APTX: variants seen among roughly 807,000 people sequenced by gnomAD.
APTX encodes the protein aprataxin.
A neutral mutation model predicts 42.3 loss-of-function variants in APTX; 33 were observed. The observed-to-expected ratio is 0.78, with a 90% CI of 0.59 to 1.04. APTX has a LOEUF of 1.04. Ranked by LOEUF, APTX falls within the 50% of genes least tolerant of loss-of-function variation. APTX has a pLI of 0.00. For synonymous variants in APTX, 130 were observed against 146.7 expected, an observed-to-expected ratio of 0.89 and a Z score of 0.82; for missense variants, 421 against 415.1, an observed-to-expected ratio of 1.01 and a Z score of -0.12.
chr9:33,023,094 G>A lies in APTX; in HGVS notation c.-5+1929C>T, dbSNP rs1369207177. Among the ~76,000 whole-genome samples, 4 of 152,282 alleles carry A rather than the reference G, an allele frequency of 2.6e-5. No homozygotes were observed. In the South Asian group the frequency reaches 8.3e-4, roughly 32 times the overall value. ...TCCGCCTGCCTTGGCCTCCCAAAGT[G>A]CTGGGATTACAGGCTTGAGCCACCA... On this transcript the variant is annotated intron_variant, in intron 1 of 6. Coordinates refer to the APTX transcript ENST00000436040.
chr9:33,000,625 C>CAAAAAAAAAAAAAAAAAAAAAA (rs60760701), intron 1 of APTX, among the ~76,000 whole-genome samples: 6 of 63,432 alleles, frequency 9.5e-5, no homozygotes, highest in African/African-American at 1.2e-4. Context: ...GACTCTGTCT[C>CAAAAAAAAAAAAAAAAAAAAAA]AAAAAAAAAA....
chr9:32,972,671 T>C lies in APTX; in HGVS notation c.*827A>G, dbSNP rs981116705. ...AGAAAGTAGTGGCTCTACGCAACTT[T>C]TTCATTCACCAACCACCTTTCCATG... On this transcript the variant is annotated 3_prime_UTR_variant, in exon 8 of 8. Coordinates refer to ENST00000379817, the MANE Select transcript of APTX (RefSeq NM_001195248.2). 2 of 436,698 alleles carry C rather than the reference T, an allele frequency of 4.6e-6. No homozygotes were observed. The highest frequency in any genetic ancestry group is 9.2e-6 in the Non-Finnish European group (2 of 217,948). The allele number at this position is 436,698 out of a possible 1,614,324, so 27.1% of individuals were successfully genotyped here.
At chr9:32,974,608 T>C (rs1297837986) in intron 6 of APTX, 47 bp from the exon 7 acceptor site, 7 of 1,039,596 alleles carry the variant, frequency 6.7e-6, no homozygotes, top group South Asian at 2.5e-5. Context: ...TTAACAACTA[T>C]GGCTTAATCA....
chr9:33,001,487 G>C lies in APTX; in HGVS notation c.-5+80C>G, dbSNP rs539718096. ...CGTCATTCAAGGCACATCACTCAAG[G>C]GTAGGAGCAGCCTCGGCCGAACGCT... On this transcript the variant is annotated intron_variant, in intron 1 of 7. Transcript: ENST00000379817. 4 of 1,606,104 alleles carry C rather than the reference G, an allele frequency of 2.5e-6. No homozygotes were observed. The East Asian group carries it at 9.0e-5, about 36-fold the overall frequency.
chr9:32,987,723 C>T lies in APTX; in HGVS notation c.304G>A (p.Glu102Lys), dbSNP rs776680952. ...TCCAGGCCAGGGTTCTTTGCCTCTT[C>T]CTCAAACTCTACAATATATGGATAA... is the stretch of plus-strand genomic sequence containing the variant. The part of the protein sequence containing the change: ...ELYPYIVEFE[E>K]EAKNPGLETH... Residue 102 changes from glutamate (E) to lysine (K), a missense_variant, in exon 4 of 8, where the codon GAA (glutamate) becomes AAA (lysine). Coordinates refer to ENST00000379817, the MANE Select transcript of APTX (RefSeq NM_001195248.2). 9.3e-6 allele frequency: 15 copies of T among 1,614,042 alleles called. No homozygotes were observed. The African/African-American group carries it at 1.9e-4, about 20-fold the overall frequency.
chr9:32,982,005 A>C (rs541755743), intron 6 of APTX, among the ~76,000 whole-genome samples: 7 of 152,196 alleles, frequency 4.6e-5, no homozygotes, highest in Non-Finnish European at 5.9e-5. Context: ...AAAAAAAAAA[A>C]AACAGTAATT....
At chr9:33,024,870 G>A (rs1025935064) in intron 1 of APTX, 1 of 105,488 alleles carries the variant, frequency 9.5e-6, no homozygotes, top group African/African-American at 3.4e-5. Flanking sequence ...GAGGGGGGGG[G>A]GGGGGGGCAA....
chr9:33,004,884 C>A (rs1837025399), upstream of APTX, among the ~76,000 whole-genome samples: 1 of 151,982 alleles, frequency 6.6e-6, no homozygotes, highest in South Asian at 2.1e-4. Flanking sequence ...TTGTGATCCA[C>A]CCACCTCGGC....
At chr9:33,010,915 G>A (rs1029457378) in intron 1 of APTX, among the ~76,000 whole-genome samples, 1 of 152,062 alleles carries the variant, frequency 6.6e-6, no homozygotes, top group Non-Finnish European at 1.5e-5. Context: ...GCCAAGGCAG[G>A]TGGATTGCCT....
chr9:32,987,998 C>G (rs1832601861), intron 3 of APTX, 85 bp downstream of exon 3: 11 of 1,522,582 alleles, frequency 7.2e-6, no homozygotes, highest in South Asian at 3.4e-5. Flanking sequence ...GACAGAGAAG[C>G]CTTCACTGGC....
intron 1 of APTX, among the ~76,000 whole-genome samples, chr9:33,011,413 G>C (rs181837541): frequency 1.3e-5 from 2 of 151,136 alleles, no homozygotes; most frequent in African/African-American, 4.9e-5. Flanking sequence ...TCAGCCTCCC[G>C]AGTAGCTGGG....
chr9:33,023,731 T>C (rs1838598373), intron 1 of APTX, among the ~76,000 whole-genome samples: 1 of 152,250 alleles, frequency 6.6e-6, no homozygotes, highest in Admixed American at 6.5e-5. Context: ...CGGATAGTTC[T>C]GTGACTGGAA....
chr9:33,016,063 T>G (rs1837880648), intron 1 of APTX: 1 of 152,220 alleles, frequency 6.6e-6, no homozygotes, highest in African/African-American at 2.4e-5. Flanking sequence ...TGCCAAATGG[T>G]ATCTAGGAGT....
At chr9:32,987,213 G>A (rs1405788416) in intron 4 of APTX, among the ~76,000 whole-genome samples, 2 of 152,128 alleles carry the variant, frequency 1.3e-5, no homozygotes, top group Non-Finnish European at 2.9e-5. Context: ...GCTACAGCCT[G>A]ACCAATTCTC....
Position 32,987,657 on chromosome 9 carries a change from T to A in APTX, c.370A>T (p.Ile124Leu), listed in dbSNP as rs143309173. 2 of 1,614,096 alleles carry A rather than the reference T, an allele frequency of 1.2e-6. No individual in the cohort carries two copies. Among genetic ancestry groups the A allele is most frequent in the African/African-American group, 2.7e-5 (2 of 74,934 alleles). Reference protein sequence around the residue: ...KRKRSGNSDSIERDAAQEAEA... With the variant: ...KRKRSGNSDSLERDAAQEAEA... ...GCTTCCTGAGCAGCATCCCTTTCTA[T>A]AGAATCACTGTTGCCTGATCTCTTT... is the stretch of plus-strand genomic sequence containing the variant. Residue 124 changes from isoleucine to leucine, a missense_variant, in exon 4 of 8, where the codon ATA (isoleucine) becomes TTA (leucine). Physicochemically the swap from Ile to Leu is conservative, Grantham distance 5 (BLOSUM62 2). Transcript: ENST00000379817.
chr9:32,972,719 G>A lies in APTX; in HGVS notation c.*779C>T. ...ATGCATCAGAACCTATGCTGTGATTGTTAGCTGAACTTCAATAGTTTCCAC... is the reference window on the plus strand; with the variant it reads ...ATGCATCAGAACCTATGCTGTGATTATTAGCTGAACTTCAATAGTTTCCAC... On this transcript the variant is annotated 3_prime_UTR_variant, in exon 8 of 8. Transcript: ENST00000379817. The A allele has an allele frequency of 2.2e-6, 1 of 454,058 alleles. No homozygotes were observed. The highest frequency in any genetic ancestry group is 1.6e-5 in the South Asian group (1 of 64,468). 28.1% of individuals were successfully genotyped at this position (454,058 alleles called of 1,614,324 possible). A position where few individuals can be genotyped will look rare whatever the true frequency, so the allele number is the denominator to read the frequency against.
rs761289876 is a variant in APTX, at chr9:32,973,002, A to C, written c.*496T>G. On this transcript the variant is annotated 3_prime_UTR_variant, in exon 8 of 8. Transcript: ENST00000379817. The stretch of plus-strand genomic sequence containing the variant: ...GGGCATGGAAGGACTGGACAAACTA[A>C]GCCTCCCCATGAAGGAAGGGAAAAG... 6 of 454,008 alleles carry C rather than the reference A, an allele frequency of 1.3e-5. No homozygotes were observed. Among genetic ancestry groups the C allele is most frequent in the South Asian group, 9.3e-5 (6 of 64,474 alleles). The allele number at this position is 454,008 out of a possible 1,614,324, so 28.1% of individuals were successfully genotyped here. A position where few individuals can be genotyped will look rare whatever the true frequency, so the allele number is the denominator to read the frequency against.
intron 1 of APTX, among the ~76,000 whole-genome samples, chr9:33,008,452 G>T (rs1837312911): frequency 6.6e-6 from 1 of 151,846 alleles, no homozygotes; most frequent in African/African-American, 2.4e-5. Flanking sequence ...TGTTACCCAG[G>T]CTGGTCTCAA....
At chr9:32,981,288 A>G (rs1275993494) in intron 6 of APTX, among the ~76,000 whole-genome samples, 1 of 152,228 alleles carries the variant, frequency 6.6e-6, no homozygotes, top group African/African-American at 2.4e-5. Context: ...ACTGTTGGAG[A>G]AAGTAGTTAC....
Sources: allele counts gnomAD v4.1 joint callset (sites outside exome capture counted in the v4.1 genomes callset), GRCh38; gene constraint gnomAD v4.1.1; transcripts MANE v1.5; gene names NCBI Gene and HGNC (gene_info 2026-07-23, HGNC 2026-07-21).